SRD5A2: variants seen among roughly 807,000 people sequenced by gnomAD.
SRD5A2 encodes the protein steroid 5 alpha-reductase 2, also known as 3-oxo-5-alpha-steroid 4-dehydrogenase 2.
In SRD5A2, 30 loss-of-function variants were observed where a neutral mutation model predicts 27.4. The ratio of observed to expected loss-of-function variants is 1.10; its 90% CI spans 0.82 to 1.49. The LOEUF is 1.49. SRD5A2 is among the 40% of genes most tolerant of loss of function. The pLI is 0.00. For synonymous variants in SRD5A2, 141 were observed against 133.6 expected (o/e 1.06, Z -0.38); for missense variants, 348 against 323.4 (o/e 1.08, Z -0.58).
the SRD5A2 span, among the ~76,000 whole-genome samples, chr2:31,659,202 A>G: frequency 1.3e-5 from 2 of 152,216 alleles, no homozygotes; most frequent in Admixed American, 1.3e-4. Flanking sequence ...AGAGCCATCT[A>G]TGATAAACCC....
At chr2:31,623,304 CAAGT>C in the SRD5A2 span, among the ~76,000 whole-genome samples, 1 of 151,986 alleles carries the variant, frequency 6.6e-6, no homozygotes, top group South Asian at 2.1e-4. Context: ...AAATAAACAG[CAAGT>C]AAGAAGTCAT....
chr2:31,592,624 A>G, the SRD5A2 span, among the ~76,000 whole-genome samples: 1 of 152,192 alleles, frequency 6.6e-6, no homozygotes, highest in Admixed American at 6.5e-5. Flanking sequence ...GTCCAGCTCT[A>G]AAGAGGCCCC....
At chr2:31,583,018 A>G (rs1006901194), upstream of SRD5A2, among the ~76,000 whole-genome samples, 1 of 151,996 alleles carries the variant, frequency 6.6e-6, no homozygotes, top group Non-Finnish European at 1.5e-5. Context: ...TCTTTTCTCC[A>G]CTATTATAAC....
At chr2:31,552,760 G>C (rs1666405892) in intron 1 of SRD5A2, among the ~76,000 whole-genome samples, 1 of 152,164 alleles carries the variant, frequency 6.6e-6, no homozygotes, top group African/African-American at 2.4e-5. Context: ...ATCTCTAGCT[G>C]GGCTAATTGA....
the SRD5A2 span, among the ~76,000 whole-genome samples, chr2:31,591,264 A>G: frequency 6.6e-6 from 1 of 152,234 alleles, no homozygotes; most frequent in Non-Finnish European, 1.5e-5. Context: ...ACCCCATCAA[A>G]AAGTGGGTGA....
chr2:31,548,302 G>C (rs1394902870), intron 1 of SRD5A2, among the ~76,000 whole-genome samples: 1 of 151,988 alleles, frequency 6.6e-6, no homozygotes, highest in African/African-American at 2.4e-5. Flanking sequence ...TAGAGGAAAA[G>C]GGCAACCCAC....
chr2:31,562,226 C>T (rs796233502), intron 1 of SRD5A2, among the ~76,000 whole-genome samples: 8 of 151,642 alleles, frequency 5.3e-5, no homozygotes, highest in African/African-American at 1.9e-4. Flanking sequence ...TCTTTTTTTT[C>T]CTTTTTAAAA....
the SRD5A2 span, among the ~76,000 whole-genome samples, chr2:31,599,931 G>C: frequency 6.6e-6 from 1 of 151,752 alleles, no homozygotes; most frequent in East Asian, 1.9e-4. Context: ...TTAATCACCC[G>C]GGTATTAAGC....
chr2:31,608,714 G>A, the SRD5A2 span, among the ~76,000 whole-genome samples: 1 of 151,916 alleles, frequency 6.6e-6, no homozygotes, highest in Non-Finnish European at 1.5e-5. Context: ...TTTAACAAAA[G>A]GAGTGCAAGA....
chr2:31,549,264 C>G (rs960887913), intron 1 of SRD5A2, among the ~76,000 whole-genome samples: 1 of 151,732 alleles, frequency 6.6e-6, no homozygotes, highest in African/African-American at 2.4e-5. Context: ...AGGTGCCCAC[C>G]ACCACACCAG....
chr2:31,597,286 C>G, the SRD5A2 span, among the ~76,000 whole-genome samples: 1 of 152,050 alleles, frequency 6.6e-6, no homozygotes, highest in Admixed American at 6.6e-5. Flanking sequence ...AAGAATGAAA[C>G]TAGATCTGCA....
At chr2:31,536,331 A>G (rs1400526735) in intron 1 of SRD5A2, among the ~76,000 whole-genome samples, 1 of 152,236 alleles carries the variant, frequency 6.6e-6, no homozygotes, top group Non-Finnish European at 1.5e-5. Context: ...CTCATGCCAC[A>G]GTAAGATGCT....
chr2:31,602,313 T>C, the SRD5A2 span, among the ~76,000 whole-genome samples: 1 of 151,984 alleles, frequency 6.6e-6, no homozygotes, highest in African/African-American at 2.4e-5. Flanking sequence ...CCGTTCACAA[T>C]TGCCACAAAA....
rs187341225 is a variant in SRD5A2 at position 31,533,458 on chromosome 2, T to C, written c.445+145A>G. ...GTTTAAACAATCTCTCTGGCTACCA[T>C]ATAGAGAAAAGATCAGGGTAGAGGT... On this transcript the variant is annotated intron_variant, in intron 2 of 4. Coordinates refer to ENST00000622030, the MANE Select transcript of SRD5A2 (RefSeq NM_000348.4). The C allele has an allele frequency of 2.8e-4, 186 of 670,814 alleles. 1 individual carries two copies. The Middle Eastern group carries it at 3.9e-3, about 14-fold the overall frequency. 41.6% of individuals were successfully genotyped at this position (670,814 alleles called of 1,614,324 possible).
intron 1 of SRD5A2, among the ~76,000 whole-genome samples, chr2:31,554,077 G>A (rs1346044348): frequency 6.6e-6 from 1 of 152,080 alleles, no homozygotes; most frequent in Non-Finnish European, 1.5e-5. Flanking sequence ...ACCCATAACA[G>A]GAAGGATAAT....
At chr2:31,598,333 A>C in the SRD5A2 span, among the ~76,000 whole-genome samples, 1 of 152,016 alleles carries the variant, frequency 6.6e-6, no homozygotes, top group Non-Finnish European at 1.5e-5. Context: ...AAAAGACTAC[A>C]TAATGGGTGC....
At chr2:31,617,623 C>T in the SRD5A2 span, among the ~76,000 whole-genome samples, 1 of 151,998 alleles carries the variant, frequency 6.6e-6, no homozygotes, top group African/African-American at 2.4e-5. Flanking sequence ...CCTGGGATGC[C>T]CTAAATCATC....
At chr2:31,638,962 T>C in the SRD5A2 span, among the ~76,000 whole-genome samples, 3 of 151,976 alleles carry the variant, frequency 2.0e-5, no homozygotes, top group Non-Finnish European at 4.4e-5. Context: ...TTGTTGCTTG[T>C]TTTCTGGTTG....
chr2:31,530,211 A>G (rs1278738228), intron 3 of SRD5A2, among the ~76,000 whole-genome samples: 1 of 152,208 alleles, frequency 6.6e-6, no homozygotes, highest in Non-Finnish European at 1.5e-5. Flanking sequence ...TTCTTTCTAC[A>G]GTTACATAAA....
Sources: allele counts gnomAD v4.1 joint callset (sites outside exome capture counted in the v4.1 genomes callset), GRCh38; gene constraint gnomAD v4.1.1; transcripts MANE v1.5; gene names NCBI Gene and HGNC (gene_info 2026-07-23, HGNC 2026-07-21).